PPP2R2C: variants seen among roughly 807,000 people sequenced by gnomAD.
PPP2R2C encodes the protein protein phosphatase 2 regulatory subunit Bgamma, also known as protein phosphatase 2, regulatory subunit B, gamma.
In PPP2R2C, 10 loss-of-function variants were observed where a neutral mutation model predicts 45.3. The ratio of observed to expected loss-of-function variants is 0.22; its 90% CI spans 0.14 to 0.37. PPP2R2C has a LOEUF of 0.37. Among genes scored for constraint, PPP2R2C ranks in the 10% least tolerant of loss-of-function variants. The pLI is 1.00. For missense variants in PPP2R2C, 308 were observed against 619.7 expected (o/e 0.50, Z 5.34); for synonymous variants, 257 against 245.4 (o/e 1.05, Z -0.44).
chr4:6,337,281 G>A (rs1251666806), intron 6 of PPP2R2C, among the ~76,000 whole-genome samples: 1 of 151,224 alleles, frequency 6.6e-6, no homozygotes, highest in African/African-American at 2.4e-5. Context: ...ATGTTGTGCT[G>A]CCTTTCCATT....
intron 5 of PPP2R2C, among the ~76,000 whole-genome samples, chr4:6,353,308 A>G (rs1292222905): frequency 2.5e-5 from 2 of 80,940 alleles, no homozygotes; most frequent in African/African-American, 1.0e-4. Flanking sequence ...CCAACACCCA[A>G]CAGCCTTCCC....
At chr4:6,456,285 T>G (rs1320335740) in intron 1 of PPP2R2C, among the ~76,000 whole-genome samples, 1 of 138,916 alleles carries the variant, frequency 7.2e-6, no homozygotes, top group East Asian at 2.0e-4. Flanking sequence ...GTTTCTGGAG[T>G]AGTGAAATGA....
intron 1 of PPP2R2C, chr4:6,535,457 C>T (rs955796760): frequency 5.5e-5 from 54 of 977,076 alleles, no homozygotes; most frequent in Non-Finnish European, 6.9e-5. Flanking sequence ...ACATGCAACG[C>T]GAGCACCGCC....
intron 1 of PPP2R2C, among the ~76,000 whole-genome samples, chr4:6,553,861 C>T (rs1725268685): frequency 6.6e-6 from 1 of 152,126 alleles, no homozygotes. Context: ...GCAGTCACCC[C>T]TCATCCCAGT....
intron 2 of PPP2R2C, among the ~76,000 whole-genome samples, chr4:6,509,409 GA>G (rs942403941): frequency 2.4e-4 from 36 of 151,238 alleles, no homozygotes; most frequent in African/African-American, 7.5e-4. Flanking sequence ...TATTCAGGGG[GA>G]AAAAAAGTCG....
intron 5 of PPP2R2C, 84 bp from the exon 6 acceptor site, chr4:6,348,094 A>C (rs1020001813): frequency 4.0e-6 from 6 of 1,506,032 alleles, no homozygotes; most frequent in Non-Finnish European, 5.4e-6. Flanking sequence ...ACCTCTCCCG[A>C]GGCAAAACCG....
chr4:6,478,530 G>C (rs1722242584), intron 2 of PPP2R2C, among the ~76,000 whole-genome samples: 1 of 148,314 alleles, frequency 6.7e-6, no homozygotes, highest in African/African-American at 2.5e-5. Context: ...ACAGGGCCCT[G>C]TTCGATGTGC....
intron 6 of PPP2R2C, among the ~76,000 whole-genome samples, chr4:6,344,174 C>T (rs1711592059): frequency 6.6e-6 from 1 of 152,244 alleles, no homozygotes; most frequent in Non-Finnish European, 1.5e-5. Context: ...CGCACCTCGG[C>T]CTGCCAGAGC....
At chr4:6,371,415 C>T (rs980263045) in intron 5 of PPP2R2C, among the ~76,000 whole-genome samples, 12 of 152,232 alleles carry the variant, frequency 7.9e-5, no homozygotes, top group African/African-American at 2.9e-4. Flanking sequence ...CCACAGCTAT[C>T]CCGGCTTCTA....
rs756532144 is a variant in PPP2R2C, at chr4:6,331,894, A to C, written c.960+1668T>G. ...CACCAGCCGAACGCAGTCCTGCTAC[A>C]CACAATTTCTAGCACATCACAAGCC... On this transcript the variant is annotated intron_variant, in intron 7 of 8. Coordinates refer to ENST00000382599, the MANE Select transcript of PPP2R2C (RefSeq NM_020416.4). The surrounding 1 kb of genome is among the most constrained non-coding windows in gnomAD (Gnocchi z 5.9). Among the ~76,000 whole-genome samples, 1 of 152,312 alleles carries C rather than the reference A, an allele frequency of 6.6e-6. No individual in the cohort carries two copies. The highest frequency in any genetic ancestry group is 2.4e-5 in the African/African-American group (1 of 41,560).
At chr4:6,411,263 A>T (rs1402780080) in intron 1 of PPP2R2C, among the ~76,000 whole-genome samples, 1 of 151,796 alleles carries the variant, frequency 6.6e-6, no homozygotes, top group Non-Finnish European at 1.5e-5. Context: ...TGGGGCCAGG[A>T]CTCCAGCCCC....
intron 8 of PPP2R2C, among the ~76,000 whole-genome samples, chr4:6,327,905 T>A (rs1732089338): frequency 6.6e-6 from 1 of 152,146 alleles, no homozygotes; most frequent in South Asian, 2.1e-4. Flanking sequence ...ACACAATGAC[T>A]TGGCCCCCCA....
At chr4:6,427,112 T>G (rs943128767) in intron 1 of PPP2R2C, among the ~76,000 whole-genome samples, 9 of 152,228 alleles carry the variant, frequency 5.9e-5, no homozygotes, top group African/African-American at 2.2e-4. Context: ...GGAGCAAGTG[T>G]GACACTCGAG....
At chr4:6,356,571 C>T (rs1393708553) in intron 5 of PPP2R2C, among the ~76,000 whole-genome samples, 2 of 152,226 alleles carry the variant, frequency 1.3e-5, no homozygotes, top group Non-Finnish European at 2.9e-5. Flanking sequence ...CTCTGTGCCT[C>T]GGTTTCCCCA....
chr4:6,475,226 C>T (rs552214345), upstream of PPP2R2C, among the ~76,000 whole-genome samples: 6 of 145,502 alleles, frequency 4.1e-5, no homozygotes, highest in Admixed American at 2.7e-4. Flanking sequence ...GAGATGAAGG[C>T]GGGGATGGAG....
At chr4:6,427,848 A>G (rs1719411203) in intron 1 of PPP2R2C, among the ~76,000 whole-genome samples, 1 of 151,794 alleles carries the variant, frequency 6.6e-6, no homozygotes, top group Admixed American at 6.6e-5. Flanking sequence ...GGCTGCGGGT[A>G]TCAGGTCTGC....
At chr4:6,556,779 C>T (rs1725414852) in intron 1 of PPP2R2C, among the ~76,000 whole-genome samples, 1 of 152,038 alleles carries the variant, frequency 6.6e-6, no homozygotes, top group South Asian at 2.1e-4. Context: ...GAAGTTTTGC[C>T]TCCTGGGAGA....
intron 5 of PPP2R2C, among the ~76,000 whole-genome samples, chr4:6,360,734 G>C (rs933483290): frequency 6.6e-6 from 1 of 152,234 alleles, no homozygotes; most frequent in Non-Finnish European, 1.5e-5. Context: ...AGGCATGTCA[G>C]ATCCTACAGG....
intron 1 of PPP2R2C, chr4:6,382,209 C>G (rs913187042): frequency 4.2e-6 from 5 of 1,203,308 alleles, no homozygotes; most frequent in Non-Finnish European, 5.3e-6. Flanking sequence ...TCCCCATAGG[C>G]CCAAGCAGCA....
Sources: gnomAD v4.1 joint callset for allele counts (sites outside exome capture counted in the v4.1 genomes callset) on GRCh38, gnomAD v4.1.1 for gene constraint, Gnocchi (gnomAD v3.1) non-coding constraint, MANE v1.5 for transcripts, NCBI Gene and HGNC (gene_info 2026-07-23, HGNC 2026-07-21) for gene names.